The following FGFRL1 variants were observed in gnomAD, a reference collection of about 807,000 sequenced individuals.
FGFRL1 encodes the protein fibroblast growth factor receptor like 1.
FGFRL1 carries 24 observed loss-of-function variants against 36.8 expected under a neutral mutation model. The observed-to-expected ratio is 0.65, with a 90% CI of 0.47 to 0.92. The LOEUF is 0.92. Ranked by LOEUF, FGFRL1 falls within the 40% of genes least tolerant of loss-of-function variation. The pLI is 0.00. For missense variants in FGFRL1, 785 were observed against 753.4 expected, an observed-to-expected ratio of 1.04 and a Z score of -0.49; for synonymous variants, 422 against 344.1, an observed-to-expected ratio of 1.23 and a Z score of -2.50.
At chr4:1,017,676 C>G (rs953263102) in intron 2 of FGFRL1, among the ~76,000 whole-genome samples, 18 of 152,300 alleles carry the variant, frequency 1.2e-4, no homozygotes, top group African/African-American at 4.3e-4. Context: ...CTGGTCCTAG[C>G]TCGTGTCTTC....
chr4:1,014,921 G>T (rs147019953), intron 2 of FGFRL1, among the ~76,000 whole-genome samples: 4 of 152,326 alleles, frequency 2.6e-5, no homozygotes, highest in South Asian at 2.1e-4. Flanking sequence ...GCCTGGAAAC[G>T]CCGACCGCAG....
Position 1,025,865 on chromosome 4 carries a change from G to A in FGFRL1, c.*518G>A, listed in dbSNP as rs1716496200. 4.9e-5 allele frequency: 8 copies of A among 164,348 alleles called. No individual in the cohort carries two copies. Among genetic ancestry groups the A allele is most frequent in the South Asian group, 1.5e-4 (1 of 6,556 alleles). The allele number at this position is 164,348 out of a possible 1,614,324, so 10.2% of individuals were successfully genotyped here. Reference sequence around the variant, plus strand: ...ACACACACATGCACGGATATTGCCTGGACACACACACACACACGTGTGCAC... The same window carrying A: ...ACACACACATGCACGGATATTGCCTAGACACACACACACACACGTGTGCAC... On this transcript the variant is annotated 3_prime_UTR_variant, in exon 7 of 7. Transcript: ENST00000510644.
In FGFRL1 at chr4:1,025,551, C is replaced by T. The variant is rs991743356; in HGVS notation, c.*204C>T. The stretch of plus-strand genomic sequence containing the variant: ...CTGGATGCATGTATGCACACACATG[C>T]GCGCACACGTGCTCCCTGAAGGCAC... On this transcript the variant is annotated 3_prime_UTR_variant, in exon 7 of 7. Transcript: ENST00000510644. The T allele has an allele frequency of 6.5e-5, 43 of 660,332 alleles. No homozygotes were observed. Among genetic ancestry groups the T allele is most frequent in the East Asian group, 2.2e-4 (8 of 36,038 alleles). The allele number at this position is 660,332 out of a possible 1,614,324, so 40.9% of individuals were successfully genotyped here.
At chr4:1,019,306 T>G (rs1024989375) in intron 2 of FGFRL1, among the ~76,000 whole-genome samples, 1 of 152,214 alleles carries the variant, frequency 6.6e-6, no homozygotes, top group Non-Finnish European at 1.5e-5. Context: ...CTCTCTTGCT[T>G]CTTCTGGACA....
chr4:1,025,802 CAGATATG>C lies in FGFRL1; in HGVS notation c.*456_*462del. ...TATGGTATCCGGACACACACGTGCA[CAGATATG>C]CTGCCTGGACACACAGATAATGCTG... On this transcript the variant is annotated 3_prime_UTR_variant, in exon 7 of 7. Transcript: ENST00000510644. The C allele has an allele frequency of 4.6e-6, 1 of 218,442 alleles. No homozygotes were observed. The highest frequency in any genetic ancestry group is 2.4e-5 in the African/African-American group (1 of 42,310). The allele number at this position is 218,442 out of a possible 1,614,324, so 13.5% of individuals were successfully genotyped here.
Position 1,024,168 on chromosome 4 carries a change from TGCTGGTGGGCGGGGGC to T in FGFRL1, c.718+84_718+99del, listed in dbSNP as rs1336151819. 1.2e-4 allele frequency: 69 copies of T among 556,458 alleles called. 1 individual carries two copies. Among genetic ancestry groups the T allele is most frequent in the Middle Eastern group, 6.5e-4 (1 of 1,540 alleles). The allele number at this position is 556,458 out of a possible 1,614,324, so 34.5% of individuals were successfully genotyped here. ...GGGCGGGGGCGCTGGCGGGCGGGGG[TGCTGGTGGGCGGGGGC>T]GCTGGTGGGCGGGGGCACTGGCAGG... is the stretch of plus-strand genomic sequence containing the variant. On this transcript the variant is annotated intron_variant, in intron 5 of 6. Coordinates refer to ENST00000510644, the MANE Select transcript of FGFRL1 (RefSeq NM_001004356.3).
intron 2 of FGFRL1, among the ~76,000 whole-genome samples, chr4:1,017,991 C>T (rs1560560075): frequency 6.6e-6 from 1 of 152,174 alleles, no homozygotes; most frequent in East Asian, 1.9e-4. Context: ...GTTTGGACCA[C>T]GTGGCCAGGA....
At chr4:1,013,414 G>C (rs2153025042) in intron 2 of FGFRL1, among the ~76,000 whole-genome samples, 1 of 152,376 alleles carries the variant, frequency 6.6e-6, no homozygotes, top group Admixed American at 6.5e-5. Flanking sequence ...CAGTCCTGAG[G>C]CTTCGCACCC....
chr4:1,024,266 T>C (rs756576255), intron 5 of FGFRL1, 45 bp from the exon 6 acceptor site: 3 of 1,536,962 alleles, frequency 2.0e-6, no homozygotes, highest in Non-Finnish European at 2.6e-6. Context: ...CGGGGTAGAG[T>C]CCGGCGCGGC....
rs1716391132 is a variant in FGFRL1, at chr4:1,024,493, C to G, written c.901C>G (p.Gln301Glu). ...RHNSTIDVGG[Q>E]KFVVLPTGDV... ...CAACTCCACCATCGATGTGGGCGGC[C>G]AGAAGTTTGTGGTGCTGCCCACGGG... The change falls in exon 6 of 7, where the codon CAG (glutamine) becomes GAG (glutamate). Residue 301 changes from glutamine to glutamate, a missense_variant. Coordinates refer to ENST00000510644, the MANE Select transcript of FGFRL1 (RefSeq NM_001004356.3). 2 of 1,612,512 alleles carry G rather than the reference C, an allele frequency of 1.2e-6. No homozygotes were observed. The highest frequency in any genetic ancestry group is 1.7e-6 in the Non-Finnish European group (2 of 1,179,830).
intron 5 of FGFRL1, 23 bp downstream of exon 5, chr4:1,024,124 G>A: frequency 6.9e-7 from 1 of 1,452,196 alleles, no homozygotes; most frequent in Non-Finnish European, 9.1e-7. Context: ...CCGGGCGCTG[G>A]CGGGCGGGGG....
At chr4:1,018,631 G>A (rs936823119) in intron 2 of FGFRL1, among the ~76,000 whole-genome samples, 1 of 152,166 alleles carries the variant, frequency 6.6e-6, no homozygotes, top group Admixed American at 6.5e-5. Context: ...CTGCTGTCAT[G>A]CCCCGGCGGG....
chr4:1,024,727 G>T, intron 6 of FGFRL1, 63 bp downstream of exon 6: 1 of 1,501,678 alleles, frequency 6.7e-7, no homozygotes, highest in South Asian at 1.3e-5. Context: ...TGGGCCCGGC[G>T]TCCCACCCAC....
chr4:1,018,255 G>A (rs1472580876), intron 2 of FGFRL1, among the ~76,000 whole-genome samples: 1 of 152,026 alleles, frequency 6.6e-6, no homozygotes, highest in Non-Finnish European at 1.5e-5. Context: ...GACAGTGTGT[G>A]TGTGACAAAG....
chr4:1,015,261 A>G (rs1715828631), intron 2 of FGFRL1, among the ~76,000 whole-genome samples: 1 of 152,190 alleles, frequency 6.6e-6, no homozygotes, highest in Admixed American at 6.5e-5. Context: ...TGACAGCCTC[A>G]GCGGGTCAGC....
upstream of FGFRL1, chr4:1,010,224 G>A (rs1354161413): frequency 6.6e-6 from 1 of 152,254 alleles, no homozygotes; most frequent in African/African-American, 2.4e-5. Context: ...GGCGGCGCAG[G>A]ACGTTCTCCC....
At chr4:1,012,300 C>G (rs1441379028) in intron 1 of FGFRL1, 170 bp from the exon 2 acceptor site, 1 of 629,042 alleles carries the variant, frequency 1.6e-6, no homozygotes, top group Non-Finnish European at 2.6e-6. Context: ...AACCCTTTGT[C>G]TGCCTTTGAT....
In FGFRL1 at chr4:1,025,028, G is replaced by A. The variant is rs2153027443; in HGVS notation, c.1196G>A (p.Cys399Tyr). The A allele has an allele frequency of 6.2e-7, 1 of 1,610,994 alleles. No individual in the cohort carries two copies. The change falls in exon 7 of 7, where the codon TGC (cysteine) becomes TAC (tyrosine). Residue 399 changes from cysteine (C) to tyrosine (Y), a missense_variant. Transcript: ENST00000510644. ...FILGTLLLWLCQAQKKPCTPA... is the reference protein window; with the variant it reads ...FILGTLLLWLYQAQKKPCTPA... Reference sequence around the variant, plus strand: ...CTGGGCACCCTGCTCCTGTGGCTTTGCCAGGCCCAGAAGAAGCCGTGCACC... The same window carrying A: ...CTGGGCACCCTGCTCCTGTGGCTTTACCAGGCCCAGAAGAAGCCGTGCACC...
Position 1,012,311 on chromosome 4 carries a change from A to G in FGFRL1, c.-16-159A>G, listed in dbSNP as rs1028149216. 9 of 684,772 alleles carry G rather than the reference A, an allele frequency of 1.3e-5. No individual in the cohort carries two copies. In the African/African-American group the frequency reaches 1.7e-4, roughly 13 times the overall value. The allele number at this position is 684,772 out of a possible 1,614,324, so 42.4% of individuals were successfully genotyped here. A position where few individuals can be genotyped will look rare whatever the true frequency, so the allele number is the denominator to read the frequency against. ...TGTAAACCCTTTGTCTGCCTTTGAT[A>G]CCCACAGCTTCTCCCCGCTGCGGCT... On this transcript the variant is annotated intron_variant, in intron 1 of 6. Transcript: ENST00000510644.
Sources: gnomAD v4.1 joint callset for allele counts (sites outside exome capture counted in the v4.1 genomes callset) on GRCh38, gnomAD v4.1.1 for gene constraint, MANE v1.5 for transcripts, NCBI Gene and HGNC (gene_info 2026-07-23, HGNC 2026-07-21) for gene names.